Variants in EYS observed in about 807,000 individuals in gnomAD.
EYS encodes protein eyes shut homolog.
EYS carries 250 observed loss-of-function variants against 282.1 expected under a neutral mutation model. The observed-to-expected ratio is 0.89, with a 90% CI of 0.80 to 0.98. The LOEUF is 0.98. Ranked by LOEUF, EYS falls within the 50% of genes least tolerant of loss-of-function variation. The pLI is 0.00. For synonymous variants in EYS, 1,355 were observed against 1,282.9 expected (o/e 1.06, Z -1.20); for missense variants, 4,016 against 3,709.0 (o/e 1.08, Z -2.15).
At position 64,609,294 on chromosome 6, in the gene EYS, T is replaced by G. The variant is rs201500102; in HGVS notation, c.3684+8124A>C. 3.9e-5 allele frequency among the ~76,000 whole-genome samples: 6 copies of G among 152,152 alleles called. No homozygotes were observed. The East Asian group carries it at 1.2e-3, about 29-fold the overall frequency. Reference sequence around the variant, plus strand: ...GGTTTACCTGAAAAAGAGGGACATATGCTAAAACCTGAAAGATGAGTAGAA... The same window carrying G: ...GGTTTACCTGAAAAAGAGGGACATAGGCTAAAACCTGAAAGATGAGTAGAA... On this transcript the variant is annotated intron_variant, in intron 24 of 42. Coordinates refer to ENST00000503581, the MANE Select transcript of EYS (RefSeq NM_001142800.2).
At chr6:63,777,829 G>T in intron 40 of EYS, 177 bp downstream of exon 40, 2 of 605,262 alleles carry the variant, frequency 3.3e-6, no homozygotes, top group Non-Finnish European at 3.0e-6. Flanking sequence ...ATGCTGTGCT[G>T]ATCCTATTTT....
chr6:64,517,313 A>G (rs1227048305), intron 26 of EYS, among the ~76,000 whole-genome samples: 1 of 151,826 alleles, frequency 6.6e-6, no homozygotes, highest in Non-Finnish European at 1.5e-5. Context: ...GGGATGTCTA[A>G]CTGTACACTG....
At chr6:64,082,740 T>G (rs1772015156) in intron 31 of EYS, among the ~76,000 whole-genome samples, 1 of 152,120 alleles carries the variant, frequency 6.6e-6, no homozygotes, top group Admixed American at 6.5e-5. Context: ...TATTTGTATT[T>G]TAAATAATCT....
At chr6:63,738,943 T>C (rs1272757594) in intron 41 of EYS, among the ~76,000 whole-genome samples, 1 of 152,182 alleles carries the variant, frequency 6.6e-6, no homozygotes, top group Non-Finnish European at 1.5e-5. Context: ...TGCTACATAC[T>C]GATTATCTAC....
At position 64,292,469 on chromosome 6, in the gene EYS, C is replaced by T. The variant is rs143535026; in HGVS notation, c.6191+14501G>A. ...TAGAGAGCTAGGGGTTAAGGGTTTC[C>T]GGAATAATGAGTTGAGAACAGATTA... On this transcript the variant is annotated intron_variant, in intron 30 of 42. Transcript: ENST00000503581. 6.3e-3 allele frequency among the ~76,000 whole-genome samples: 953 copies of T among 151,990 alleles called. 2 individuals are homozygous for T. Among genetic ancestry groups the T allele is most frequent in the Middle Eastern group, 0.01 (3 of 294 alleles).
At chr6:65,218,247 T>C (rs115474667) in intron 12 of EYS, among the ~76,000 whole-genome samples, 18 of 152,162 alleles carry the variant, frequency 1.2e-4, no homozygotes, top group Admixed American at 8.5e-4. Flanking sequence ...CTGACTTTTG[T>C]ATTTAATTCA....
At chr6:65,008,282 A>G (rs747061314) in intron 13 of EYS, among the ~76,000 whole-genome samples, 9 of 152,162 alleles carry the variant, frequency 5.9e-5, no homozygotes, top group Non-Finnish European at 1.2e-4. Flanking sequence ...ACCTGATTCT[A>G]TTGAAGGCCA....
chr6:65,207,980 A>G (rs1451995084), intron 12 of EYS, among the ~76,000 whole-genome samples: 2 of 151,942 alleles, frequency 1.3e-5, no homozygotes, highest in African/African-American at 4.8e-5. Context: ...CTACTACCCT[A>G]AAAGCAAATG....
At chr6:64,230,904 T>A (rs1582458426) in intron 30 of EYS, 80 bp from the exon 31 acceptor site, 2 of 852,306 alleles carry the variant, frequency 2.3e-6, no homozygotes, top group East Asian at 5.4e-5. Context: ...GAAAATTTGA[T>A]TTAATATAAG....
chr6:65,334,885 C>A, intron 11 of EYS, 95 bp downstream of exon 11: 1 of 1,208,092 alleles, frequency 8.3e-7, no homozygotes, highest in South Asian at 1.3e-5. Context: ...TTTTAATCAA[C>A]AAAAACATTG....
At chr6:65,075,116 G>T (rs1054437807) in intron 12 of EYS, among the ~76,000 whole-genome samples, 1 of 151,882 alleles carries the variant, frequency 6.6e-6, no homozygotes. Context: ...ATTTGTAGGA[G>T]GATTTTTAAG....
intron 35 of EYS, among the ~76,000 whole-genome samples, chr6:63,940,909 C>T (rs1562106483): frequency 6.7e-6 from 1 of 149,770 alleles, no homozygotes; most frequent in Non-Finnish European, 1.5e-5. Flanking sequence ...GTTCAGTTCC[C>T]ACCTATGAGT....
chr6:65,404,567 T>C (rs1477046576), intron 6 of EYS, among the ~76,000 whole-genome samples: 1 of 151,962 alleles, frequency 6.6e-6, no homozygotes, highest in South Asian at 2.1e-4. Flanking sequence ...CAAATCTTTG[T>C]ATATTGTAGA....
chr6:65,434,018 A>C (rs751695702), intron 5 of EYS, among the ~76,000 whole-genome samples: 13 of 152,206 alleles, frequency 8.5e-5, no homozygotes, highest in Non-Finnish European at 1.3e-4. Flanking sequence ...CTTTCAACAG[A>C]AATACAGCTG....
chr6:64,286,873 GTCT>G (rs1768522018), intron 30 of EYS, among the ~76,000 whole-genome samples: 1 of 152,028 alleles, frequency 6.6e-6, no homozygotes, highest in African/African-American at 2.4e-5. Flanking sequence ...AGTGAATGAA[GTCT>G]TCTTTTATAT....
chr6:64,454,002 T>TATA (rs1049624586), intron 26 of EYS, among the ~76,000 whole-genome samples: 9 of 151,988 alleles, frequency 5.9e-5, no homozygotes, highest in African/African-American at 2.2e-4. Context: ...AAACTTAAAG[T>TATA]ATAATAATAA....
chr6:64,155,693 G>A (rs1018632919), intron 31 of EYS, among the ~76,000 whole-genome samples: 29 of 152,206 alleles, frequency 1.9e-4, no homozygotes, highest in African/African-American at 7.0e-4. Context: ...GTTCTGGTTT[G>A]GGGTAAGGCG....
chr6:65,340,615 G>A (rs1012211009), intron 10 of EYS, among the ~76,000 whole-genome samples: 2 of 151,006 alleles, frequency 1.3e-5, no homozygotes, highest in Admixed American at 6.6e-5. Context: ...CCAATACGAA[G>A]CTTTCCTTCA....
intron 30 of EYS, among the ~76,000 whole-genome samples, chr6:64,231,526 C>T (rs1766425440): frequency 1.3e-5 from 2 of 152,034 alleles, no homozygotes; most frequent in Admixed American, 6.6e-5. Context: ...GCTGAAATTT[C>T]CTAATATTGG....
Sources: gnomAD v4.1 joint callset for allele counts (sites outside exome capture counted in the v4.1 genomes callset) on GRCh38, gnomAD v4.1.1 for gene constraint, MANE v1.5 for transcripts, NCBI Gene and HGNC (gene_info 2026-07-23, HGNC 2026-07-21) for gene names.